Variants in PCDHGB4 observed in about 807,000 individuals in gnomAD.
The protein encoded by PCDHGB4 is protocadherin gamma-B4.
Under a neutral mutation model 60.5 loss-of-function variants are expected in PCDHGB4, and 38 were observed. The observed-to-expected ratio is 0.63, with a 90% confidence interval of 0.48 to 0.82. The LOEUF (loss-of-function observed/expected upper bound fraction) is 0.82, where lower values mean the gene tolerates loss of function less well. Ranked by LOEUF, PCDHGB4 falls within the 40% of genes least tolerant of loss-of-function variation. The pLI is 0.00. For synonymous variants in PCDHGB4, 456 were observed against 509.7 expected (o/e 0.89, Z 1.42); for missense variants, 1,109 against 1,209.6 (o/e 0.92, Z 1.23).
In PCDHGB4 at chr5:141,486,585, GGGA is replaced by G; in HGVS notation, c.2398-8221_2398-8219del. The G allele has an allele frequency of 6.2e-7, 1 of 1,613,708 alleles. No individual in the cohort carries two copies. Among genetic ancestry groups the G allele is most frequent in the Non-Finnish European group, 8.5e-7 (1 of 1,180,024 alleles). On this transcript the variant is annotated intron_variant, in intron 1 of 3. Transcript: ENST00000519479. This position sits in a 1 kb window ranked among gnomAD's most constrained non-coding sequence, Gnocchi z 5.0. ...TTTGTTCCTGAGAACAATCGCCCAG[GGGA>G]CCTGCTTTGCTCCCTTGCAGCCTCT...
At chr5:141,436,632 G>T (rs763510513) in intron 1 of PCDHGB4, among the ~76,000 whole-genome samples, 2 of 152,130 alleles carry the variant, frequency 1.3e-5, no homozygotes, top group Non-Finnish European at 2.9e-5. Context: ...TTCACAACAT[G>T]CAATTAATTA....
chr5:141,475,867 G>A (rs2099377217), intron 1 of PCDHGB4: 1 of 504,884 alleles, frequency 2.0e-6, no homozygotes, highest in Non-Finnish European at 3.5e-6. Flanking sequence ...CTCATTCTTC[G>A]TGCAGTTATT....
chr5:141,508,723 G>A (rs941469412), intron 3 of PCDHGB4, among the ~76,000 whole-genome samples: 2 of 151,814 alleles, frequency 1.3e-5, no homozygotes, highest in African/African-American at 4.8e-5. Context: ...TGTGTGCAGG[G>A]AGACTACACC....
rs2099696598 is a variant in PCDHGB4, at chr5:141,490,144, A to C, written c.2398-4663A>C. The C allele has an allele frequency of 2.5e-6, 4 of 1,614,214 alleles. No homozygotes were observed. In the East Asian group the frequency reaches 6.7e-5, roughly 27 times the overall value. ...TGGCCTAGACCCTAGCAGTGGGGCA[A>C]TCCATGTGTTGGGTCCCATAGACTT... On this transcript the variant is annotated intron_variant, in intron 1 of 3. Transcript: ENST00000519479. The surrounding 1 kb of genome is among the most constrained non-coding windows in gnomAD (Gnocchi z 5.4).
intron 1 of PCDHGB4, among the ~76,000 whole-genome samples, chr5:141,406,662 A>G (rs1357382326): frequency 6.6e-6 from 1 of 152,208 alleles, no homozygotes; most frequent in Non-Finnish European, 1.5e-5. Flanking sequence ...TTAATGTTAA[A>G]TTATGGAGAA....
chr5:141,488,312 A>G lies in PCDHGB4; in HGVS notation c.2398-6495A>G, dbSNP rs952247975. 7.9e-5 allele frequency among the ~76,000 whole-genome samples: 12 copies of G among 152,286 alleles called. 1 individual carries two copies. Among genetic ancestry groups the G allele is most frequent in the African/African-American group, 2.9e-4 (12 of 41,558 alleles). On this transcript the variant is annotated intron_variant, in intron 1 of 3. Coordinates refer to ENST00000519479, the MANE Select transcript of PCDHGB4 (RefSeq NM_003736.4). ...AGTAAGTGAAATCACTTATGTCAGA[A>G]AACTGGTTTACAGTTGGCTGATTCA...
In PCDHGB4 at chr5:141,403,434, A is replaced by C. The variant is rs774605332; in HGVS notation, c.2397+13153A>C. On this transcript the variant is annotated intron_variant, in intron 1 of 3. Transcript: ENST00000519479. ...CCACTTCCAGAAGCTATTGATCCGGATGTTGGCGTGAACTCCCTCCAGAGC... is the reference window on the plus strand; with the variant it reads ...CCACTTCCAGAAGCTATTGATCCGGCTGTTGGCGTGAACTCCCTCCAGAGC... The C allele has an allele frequency of 1.9e-6, 3 of 1,614,024 alleles. No individual in the cohort carries two copies. In the South Asian group the frequency reaches 3.3e-5, roughly 18 times the overall value.
At chr5:141,394,705 C>A (rs1245348426) in intron 1 of PCDHGB4, 1 of 1,613,256 alleles carries the variant, frequency 6.2e-7, no homozygotes, top group African/African-American at 1.3e-5. Context: ...ACGGCGCGAG[C>A]CCTGCTGGAC....
intron 1 of PCDHGB4, among the ~76,000 whole-genome samples, chr5:141,425,428 T>C (rs1037803701): frequency 1.3e-5 from 2 of 152,238 alleles, no homozygotes; most frequent in African/African-American, 4.8e-5. Context: ...TCCCATTAAA[T>C]AGAGGATAAA....
At chr5:141,421,060 A>C (rs1394861719) in intron 1 of PCDHGB4, 3 of 579,718 alleles carry the variant, frequency 5.2e-6, no homozygotes, top group Non-Finnish European at 8.8e-6. Context: ...TACCACACAA[A>C]GCGGAATGAG....
chr5:141,455,961 G>C (rs1447678052), intron 1 of PCDHGB4, among the ~76,000 whole-genome samples: 1 of 150,954 alleles, frequency 6.6e-6, no homozygotes, highest in African/African-American at 2.4e-5. Context: ...GCAGTGGCGC[G>C]ATCTCAGCTC....
intron 1 of PCDHGB4, chr5:141,408,696 A>G (rs768439069): frequency 6.2e-7 from 1 of 1,613,648 alleles, no homozygotes; most frequent in East Asian, 2.2e-5. Context: ...ATAAACATAA[A>G]CTCAATTAAA....
At chr5:141,395,560 G>T (rs868147032) in intron 1 of PCDHGB4, 1 of 206,840 alleles carries the variant, frequency 4.8e-6, no homozygotes, top group South Asian at 1.4e-4. Context: ...GTGTGTGTGT[G>T]TGTGTGTGTG....
chr5:141,421,787 C>A (rs753196648), intron 1 of PCDHGB4: 1 of 1,613,812 alleles, frequency 6.2e-7, no homozygotes, highest in East Asian at 2.2e-5. Flanking sequence ...CGGGGCAGAA[C>A]GGATGGGGCC....
intron 1 of PCDHGB4, chr5:141,413,845 C>G: frequency 6.2e-7 from 1 of 1,613,242 alleles, no homozygotes. Flanking sequence ...CGGGGGTGAC[C>G]CTCTCCGATC....
chr5:141,459,595 T>C (rs904266180), intron 1 of PCDHGB4, among the ~76,000 whole-genome samples: 10 of 152,232 alleles, frequency 6.6e-5, no homozygotes, highest in African/African-American at 9.6e-5. Context: ...TCATATGAAA[T>C]GGGAAGTATA....
intron 1 of PCDHGB4, among the ~76,000 whole-genome samples, chr5:141,488,236 T>A (rs1333427955): frequency 6.6e-6 from 1 of 152,154 alleles, no homozygotes; most frequent in Admixed American, 6.5e-5. Context: ...TTGAACTAGA[T>A]GCGGTAAATT....
intron 1 of PCDHGB4, chr5:141,409,246 C>A (rs771759898): frequency 1.2e-6 from 2 of 1,614,032 alleles, no homozygotes; most frequent in Admixed American, 3.3e-5. Context: ...CAGAAATAAT[C>A]ATCACTTCTC....
At chr5:141,390,475 A>G (rs1355918266) in intron 1 of PCDHGB4, 194 bp downstream of exon 1, 1 of 686,634 alleles carries the variant, frequency 1.5e-6, no homozygotes, top group Admixed American at 3.0e-5. Context: ...TGTGTGGCCC[A>G]ACATTTGTTT....
Sources: allele counts gnomAD v4.1 joint callset (sites outside exome capture counted in the v4.1 genomes callset), GRCh38; gene constraint gnomAD v4.1.1; non-coding constraint Gnocchi (gnomAD v3.1); transcripts MANE v1.5; gene names NCBI Gene and HGNC (gene_info 2026-07-23, HGNC 2026-07-21).